Variants in CACNA2D1 observed in about 807,000 individuals in gnomAD.
The protein encoded by CACNA2D1 is voltage-dependent calcium channel subunit alpha-2/delta-1.
Under a neutral mutation model 171.5 loss-of-function variants are expected in CACNA2D1, and 53 were observed. The ratio of observed to expected loss-of-function variants is 0.31; its 90% CI spans 0.25 to 0.39. CACNA2D1 has a LOEUF of 0.39. CACNA2D1 is among the 10% of genes least tolerant of loss of function. The probability of loss-of-function intolerance (pLI) is 1.00; values close to 1 mark genes in which losing one functional copy is unlikely to be tolerated. For missense variants in CACNA2D1, 903 were observed against 1,299.8 expected (o/e 0.69, Z 4.69); for synonymous variants, 442 against 443.1 (o/e 1.00, Z 0.03).
At chr7:82,169,029 A>G (rs1159994084) in intron 4 of CACNA2D1, among the ~76,000 whole-genome samples, 1 of 152,082 alleles carries the variant, frequency 6.6e-6, no homozygotes, top group Non-Finnish European at 1.5e-5. Context: ...CACTGCTTTT[A>G]CCATGCACGC....
At chr7:82,156,176 A>T (rs1217227430) in intron 4 of CACNA2D1, among the ~76,000 whole-genome samples, 1 of 152,236 alleles carries the variant, frequency 6.6e-6, no homozygotes, top group Non-Finnish European at 1.5e-5. Flanking sequence ...ATATGTTGGT[A>T]TACCATGTGA....
intron 4 of CACNA2D1, among the ~76,000 whole-genome samples, chr7:82,149,406 C>A (rs1793531521): frequency 6.6e-6 from 1 of 152,018 alleles, no homozygotes; most frequent in Admixed American, 6.6e-5. Flanking sequence ...AAGTGAGACA[C>A]CAAGGCACAC....
At chr7:82,169,258 T>C (rs1006811137) in intron 4 of CACNA2D1, among the ~76,000 whole-genome samples, 1 of 152,054 alleles carries the variant, frequency 6.6e-6, no homozygotes, top group Non-Finnish European at 1.5e-5. Flanking sequence ...AGCTTAATCA[T>C]TGATTTTTTC....
Position 81,974,634 on chromosome 7 carries a change from T to A in CACNA2D1, c.1956-82A>T, listed in dbSNP as rs899450656. The A allele has an allele frequency of 2.8e-5, 20 of 708,402 alleles. 1 individual carries two copies. Among genetic ancestry groups the A allele is most frequent in the Middle Eastern group, 4.0e-4 (1 of 2,496 alleles). 43.9% of individuals were successfully genotyped at this position (708,402 alleles called of 1,614,324 possible). On this transcript the variant is annotated intron_variant, in intron 24 of 38. Transcript: ENST00000356860. ...TTAAAGGTAGTGAAAACACTATTTTTTTTTTTTATTAGCCACAAGACTTTG... is the reference window on the plus strand; with the variant it reads ...TTAAAGGTAGTGAAAACACTATTTTATTTTTTTATTAGCCACAAGACTTTG...
chr7:82,175,178 TA>T (rs145959304), intron 3 of CACNA2D1, among the ~76,000 whole-genome samples: 26 of 151,418 alleles, frequency 1.7e-4, no homozygotes, highest in African/African-American at 5.3e-4. Flanking sequence ...TTGATAGCTT[TA>T]AAAAAAAATC....
intron 3 of CACNA2D1, among the ~76,000 whole-genome samples, chr7:82,224,293 A>G (rs1802109283): frequency 1.3e-5 from 2 of 152,202 alleles, no homozygotes; most frequent in African/African-American, 4.8e-5. Flanking sequence ...AAAAATAAGA[A>G]TAGCTAATAT....
At chr7:82,095,018 C>G (rs1282615399) in intron 6 of CACNA2D1, among the ~76,000 whole-genome samples, 1 of 152,150 alleles carries the variant, frequency 6.6e-6, no homozygotes, top group African/African-American at 2.4e-5. Flanking sequence ...AAAAGCTGGT[C>G]TTTTATGACT....
At chr7:82,292,828 C>G (rs988620991) in intron 3 of CACNA2D1, among the ~76,000 whole-genome samples, 8 of 151,758 alleles carry the variant, frequency 5.3e-5, no homozygotes, top group Non-Finnish European at 8.8e-5. Context: ...TTTAAATAAA[C>G]AAATTTTATA....
At chr7:81,989,445 G>C (rs1020542790) in intron 21 of CACNA2D1, among the ~76,000 whole-genome samples, 1 of 152,206 alleles carries the variant, frequency 6.6e-6, no homozygotes, top group Admixed American at 6.5e-5. Flanking sequence ...TACTCTAATA[G>C]TGGGAGTTCT....
At chr7:82,023,564 G>A (rs887507152) in intron 12 of CACNA2D1, among the ~76,000 whole-genome samples, 7 of 147,260 alleles carry the variant, frequency 4.8e-5, no homozygotes, top group Admixed American at 2.0e-4. Flanking sequence ...AAGAGGCTTG[G>A]GGGAAAACAA....
At chr7:82,156,204 GCTTTTA>G (rs1162949574) in intron 4 of CACNA2D1, among the ~76,000 whole-genome samples, 1 of 152,096 alleles carries the variant, frequency 6.6e-6, no homozygotes, top group Non-Finnish European at 1.5e-5. Context: ...AATTTTCCAT[GCTTTTA>G]CTTTAATTCA....
chr7:82,037,193 A>G (rs929982076), intron 11 of CACNA2D1, among the ~76,000 whole-genome samples: 14 of 152,332 alleles, frequency 9.2e-5, no homozygotes, highest in African/African-American at 3.1e-4. Context: ...GACACACACT[A>G]TAAGGCTGGA....
At chr7:82,084,700 A>C (rs558944278) in intron 7 of CACNA2D1, 69 bp downstream of exon 7, 2 of 1,521,742 alleles carry the variant, frequency 1.3e-6, no homozygotes, top group Non-Finnish European at 1.8e-6. Flanking sequence ...GTATCAGGGA[A>C]GATAACAGAG....
At chr7:82,269,608 A>G (rs1353782652) in intron 3 of CACNA2D1, among the ~76,000 whole-genome samples, 2 of 151,916 alleles carry the variant, frequency 1.3e-5, no homozygotes, top group African/African-American at 2.4e-5. Context: ...TTATTTGACA[A>G]TTTTCCCCAC....
chr7:81,959,699 A>G, intron 37 of CACNA2D1, 21 bp downstream of exon 37: 1 of 1,606,740 alleles, frequency 6.2e-7, no homozygotes, highest in Non-Finnish European at 8.5e-7. Context: ...CTTTCCAGAT[A>G]GCTCTGATGT....
intron 21 of CACNA2D1, among the ~76,000 whole-genome samples, chr7:81,987,429 G>A (rs951248505): frequency 2.6e-5 from 4 of 152,042 alleles, no homozygotes; most frequent in Admixed American, 6.6e-5. Flanking sequence ...ATGGTTAACT[G>A]AGTTAAGTGG....
chr7:82,182,989 A>G (rs1334242055), intron 3 of CACNA2D1, among the ~76,000 whole-genome samples: 1 of 150,762 alleles, frequency 6.6e-6, no homozygotes, highest in African/African-American at 2.4e-5. Flanking sequence ...GTAAGCGGAG[A>G]TTGCACCATT....
chr7:82,222,907 T>C (rs1010049194), intron 3 of CACNA2D1, among the ~76,000 whole-genome samples: 18 of 150,526 alleles, frequency 1.2e-4, no homozygotes, highest in African/African-American at 3.9e-4. Flanking sequence ...TCTTTTTTTT[T>C]TTTTGTTTGT....
chr7:82,060,712 T>G (rs1806780028), intron 9 of CACNA2D1, among the ~76,000 whole-genome samples, 185 bp from the exon 10 acceptor site: 2 of 152,064 alleles, frequency 1.3e-5, no homozygotes, highest in Admixed American at 1.3e-4. Context: ...TAAGAAATCC[T>G]GCCTTTTTTT....
Sources: allele counts gnomAD v4.1 joint callset (sites outside exome capture counted in the v4.1 genomes callset), GRCh38; gene constraint gnomAD v4.1.1; transcripts MANE v1.5; gene names NCBI Gene and HGNC (gene_info 2026-07-23, HGNC 2026-07-21).